Variants in VTA1 observed in about 807,000 individuals in gnomAD.
The protein encoded by VTA1 is vacuolar protein sorting-associated protein VTA1 homolog.
In VTA1, 24 loss-of-function variants were observed where a neutral mutation model predicts 36.9. The ratio of observed to expected loss-of-function variants is 0.65; its 90% CI spans 0.47 to 0.91. The LOEUF (loss-of-function observed/expected upper bound fraction) is 0.91. Ranked by LOEUF, VTA1 falls within the 40% of genes least tolerant of loss-of-function variation. The pLI, the probability that VTA1 is intolerant of heterozygous loss-of-function variation, is 0.00. For missense variants in VTA1, 393 were observed against 377.2 expected (o/e 1.04, Z -0.35); for synonymous variants, 142 against 130.2 (o/e 1.09, Z -0.62).
At chr6:142,189,107 C>T (rs894554297) in intron 4 of VTA1, among the ~76,000 whole-genome samples, 3 of 152,080 alleles carry the variant, frequency 2.0e-5, no homozygotes, top group Non-Finnish European at 2.9e-5. Context: ...CTACTTTAGC[C>T]TATTTCTCCC....
At chr6:142,175,571 A>G (rs1775106065) in intron 4 of VTA1, among the ~76,000 whole-genome samples, 1 of 152,090 alleles carries the variant, frequency 6.6e-6, no homozygotes, top group Admixed American at 6.6e-5. Flanking sequence ...ATTTTTGAAT[A>G]AATTATATTG....
intron 4 of VTA1, among the ~76,000 whole-genome samples, chr6:142,172,960 C>T (rs1775055738): frequency 6.9e-6 from 1 of 145,582 alleles, no homozygotes; most frequent in African/African-American, 2.6e-5. Flanking sequence ...ACTACAAAAC[C>T]ATTTGACAAA....
chr6:142,168,065 A>C (rs943244315), intron 2 of VTA1, among the ~76,000 whole-genome samples: 1 of 152,204 alleles, frequency 6.6e-6, no homozygotes, highest in Non-Finnish European at 1.5e-5. Context: ...AGGTAAGATA[A>C]ATGTATTCCA....
rs1435883339 is a variant in VTA1, at chr6:142,223,950, C to T, written c.*5307C>T. On this transcript the variant is annotated 3_prime_UTR_variant, in exon 8 of 8. Transcript: ENST00000367630. Reference sequence around the variant, plus strand: ...TACTATGCATATGGCCTATGGAGGCCAGGAGTGTAAATGTATTATGGCTGG... The same window carrying T: ...TACTATGCATATGGCCTATGGAGGCTAGGAGTGTAAATGTATTATGGCTGG... The T allele has an allele frequency of 1.3e-5, 2 of 150,702 alleles. No homozygotes were observed. The highest frequency in any genetic ancestry group is 2.9e-5 in the Non-Finnish European group (2 of 67,800). 9.3% of individuals were successfully genotyped at this position (150,702 alleles called of 1,614,324 possible).
At chr6:142,155,667 T>G (rs941459781) in intron 1 of VTA1, among the ~76,000 whole-genome samples, 7 of 152,164 alleles carry the variant, frequency 4.6e-5, no homozygotes, top group African/African-American at 1.2e-4. Context: ...TACTAGAACA[T>G]TAGGCACTTG....
intron 4 of VTA1, among the ~76,000 whole-genome samples, chr6:142,177,011 A>G (rs758161787): frequency 5.9e-5 from 9 of 152,218 alleles, no homozygotes; most frequent in Non-Finnish European, 1.0e-4. Context: ...ATTAGCCTAG[A>G]AAACCATGGT....
intron 4 of VTA1, among the ~76,000 whole-genome samples, chr6:142,185,397 T>C (rs763118823): frequency 6.6e-6 from 1 of 152,198 alleles, no homozygotes; most frequent in Non-Finnish European, 1.5e-5. Flanking sequence ...ACATACCTTA[T>C]GTTTTTCCCC....
At chr6:142,200,483 G>T (rs1393977537) in intron 6 of VTA1, among the ~76,000 whole-genome samples, 1 of 151,790 alleles carries the variant, frequency 6.6e-6, no homozygotes, top group Admixed American at 6.6e-5. Context: ...GCAGAGTTGT[G>T]GTATAGGCAC....
chr6:142,210,441 G>T (rs1418625481), intron 7 of VTA1, among the ~76,000 whole-genome samples: 1 of 152,146 alleles, frequency 6.6e-6, no homozygotes, highest in Non-Finnish European at 1.5e-5. Context: ...ATTAGATCCA[G>T]CTAAAATGCT....
intron 4 of VTA1, among the ~76,000 whole-genome samples, chr6:142,188,225 CTTTTTTTTTTTTTTTTTT>C (rs200348683): frequency 1.3e-5 from 1 of 78,928 alleles, no homozygotes; most frequent in Non-Finnish European, 2.6e-5. Flanking sequence ...TTCTTTATTT[CTTTTTTTTTTTTTTTTTT>C]TTTTTTTTTT....
chr6:142,198,649 C>A, intron 6 of VTA1, 34 bp downstream of exon 6: 1 of 1,560,940 alleles, frequency 6.4e-7, no homozygotes, highest in Non-Finnish European at 8.7e-7. Context: ...TTATTTAATT[C>A]CCCTTTTATA....
chr6:142,222,828 GTCAGATACTATTC>G lies in VTA1; in HGVS notation c.*4187_*4199del, dbSNP rs1776136010. On this transcript the variant is annotated 3_prime_UTR_variant, in exon 8 of 8. Coordinates refer to ENST00000367630, the MANE Select transcript of VTA1 (RefSeq NM_016485.5). Reference sequence around the variant, plus strand: ...GCTAACATTTCAATGTTTACTAAATGTCAGATACTATTCTAAGTATTTTGCATATATTAATTCA... The same window carrying G: ...GCTAACATTTCAATGTTTACTAAATGTAAGTATTTTGCATATATTAATTCA... 1 of 152,168 alleles carries G rather than the reference GTCAGATACTATTC, an allele frequency of 6.6e-6. No individual in the cohort carries two copies. Among genetic ancestry groups the G allele is most frequent in the Non-Finnish European group, 1.5e-5 (1 of 68,042 alleles). The allele number at this position is 152,168 out of a possible 1,614,324, so 9.4% of individuals were successfully genotyped here.
Position 142,218,786 on chromosome 6 carries a change from TA to T in VTA1, c.*144del. 1.0e-6 allele frequency: 1 copy of T among 965,538 alleles called. No homozygotes were observed. Among genetic ancestry groups the T allele is most frequent in the Non-Finnish European group, 1.4e-6 (1 of 693,690 alleles). 59.8% of individuals were successfully genotyped at this position (965,538 alleles called of 1,614,324 possible). A position where few individuals can be genotyped will look rare whatever the true frequency, so the allele number is the denominator to read the frequency against. On this transcript the variant is annotated 3_prime_UTR_variant, in exon 8 of 8. Transcript: ENST00000367630. ...ATGAAATCTGTGTGTATCAGATTTTTATTGAAGCATTCATCAGCAGCCTCAA... is the reference window on the plus strand; with the variant it reads ...ATGAAATCTGTGTGTATCAGATTTTTTTGAAGCATTCATCAGCAGCCTCAA...
At chr6:142,178,616 A>G (rs1180208827) in intron 4 of VTA1, among the ~76,000 whole-genome samples, 1 of 152,118 alleles carries the variant, frequency 6.6e-6, no homozygotes, top group Non-Finnish European at 1.5e-5. Flanking sequence ...ATATTTGTAA[A>G]AATTATTTTA....
intron 1 of VTA1, among the ~76,000 whole-genome samples, chr6:142,160,047 A>T (rs1310785037): frequency 6.6e-6 from 1 of 152,132 alleles, no homozygotes; most frequent in African/African-American, 2.4e-5. Flanking sequence ...TTTGACTGGC[A>T]GTAGGGCATT....
At chr6:142,194,954 C>A (rs1310926296) in intron 5 of VTA1, among the ~76,000 whole-genome samples, 1 of 151,904 alleles carries the variant, frequency 6.6e-6, no homozygotes, top group East Asian at 1.9e-4. Flanking sequence ...GATTGATTTT[C>A]AAATGTTGAA....
intron 7 of VTA1, among the ~76,000 whole-genome samples, chr6:142,204,393 C>T (rs529833181): frequency 6.6e-6 from 1 of 151,964 alleles, no homozygotes; most frequent in African/African-American, 2.4e-5. Flanking sequence ...TTCGAGATTA[C>T]CATGAGTTCT....
Position 142,219,985 on chromosome 6 carries a change from C to T in VTA1, c.*1342C>T, listed in dbSNP as rs912961248. The T allele has an allele frequency of 1.3e-5, 2 of 152,118 alleles. No homozygotes were observed. Among genetic ancestry groups the T allele is most frequent in the African/African-American group, 4.8e-5 (2 of 41,420 alleles). 9.4% of individuals were successfully genotyped at this position (152,118 alleles called of 1,614,324 possible). ...GGCCCTCTAAGAAAAAGTTAAGACACCTAGTCTAATGGCCTTTTGGGAAAA... is the reference window on the plus strand; with the variant it reads ...GGCCCTCTAAGAAAAAGTTAAGACATCTAGTCTAATGGCCTTTTGGGAAAA... On this transcript the variant is annotated 3_prime_UTR_variant, in exon 8 of 8. Coordinates refer to ENST00000367630, the MANE Select transcript of VTA1 (RefSeq NM_016485.5).
At position 142,224,592 on chromosome 6, in the gene VTA1, G is replaced by C. The variant is rs1036556627; in HGVS notation, c.*5949G>C. ...ATTCCTGGTAATTCACATGAAGCTT[G>C]ATGCATTGTAAGTATTCTGACCTGG... On this transcript the variant is annotated 3_prime_UTR_variant, in exon 8 of 8. Transcript: ENST00000367630. The C allele has an allele frequency of 2.6e-5, 4 of 152,092 alleles. No homozygotes were observed. The highest frequency in any genetic ancestry group is 2.6e-4 in the Admixed American group (4 of 15,258). The allele number at this position is 152,092 out of a possible 1,614,324, so 9.4% of individuals were successfully genotyped here. A position where few individuals can be genotyped will look rare whatever the true frequency, so the allele number is the denominator to read the frequency against.
Sources: gnomAD v4.1 joint callset for allele counts (sites outside exome capture counted in the v4.1 genomes callset) on GRCh38, gnomAD v4.1.1 for gene constraint, MANE v1.5 for transcripts, NCBI Gene and HGNC (gene_info 2026-07-23, HGNC 2026-07-21) for gene names.